Variants in EDNRB observed in about 807,000 individuals in gnomAD.
EDNRB encodes Hirschsprung disease 2.
In EDNRB, 18 loss-of-function variants were observed where a neutral mutation model predicts 46.4. The ratio of observed to expected loss-of-function variants is 0.39; its 90% CI spans 0.27 to 0.57. EDNRB has a LOEUF of 0.57. Among genes scored for constraint, EDNRB ranks in the 20% least tolerant of loss-of-function variants. EDNRB has a pLI of 0.61. For synonymous variants in EDNRB, 213 were observed against 204.9 expected, an observed-to-expected ratio of 1.04 and a Z score of -0.34; for missense variants, 434 against 537.5, an observed-to-expected ratio of 0.81 and a Z score of 1.90.
rs191851235 is a variant in EDNRB, at chr13:77,943,903, T to C, written c.-51-25279A>G. 2.0e-5 allele frequency among the ~76,000 whole-genome samples: 3 copies of C among 152,152 alleles called. No individual in the cohort carries two copies. The East Asian group carries it at 5.8e-4, about 29-fold the overall frequency. ...CCAGCACTTTGCTAACTTTCTATAA[T>C]ATAGTCCTTTTCTTTCATATTGAAA... On this transcript the variant is annotated intron_variant, in intron 1 of 7. Coordinates refer to the EDNRB transcript ENST00000646948.
At chr13:77,953,888 A>T (rs1881160902) in intron 1 of EDNRB, among the ~76,000 whole-genome samples, 1 of 152,184 alleles carries the variant, frequency 6.6e-6, no homozygotes, top group African/African-American at 2.4e-5. Context: ...CTGTCCTTTA[A>T]ATTTGGCATC....
In EDNRB at chr13:77,956,090, A is replaced by C. The variant is rs1881231754; in HGVS notation, c.-52+19257T>G. Among the ~76,000 whole-genome samples, 3 of 152,152 alleles carry C rather than the reference A, an allele frequency of 2.0e-5. 1 individual carries two copies. The South Asian group carries it at 6.2e-4, about 32-fold the overall frequency. On this transcript the variant is annotated intron_variant, in intron 1 of 7. Coordinates refer to the EDNRB transcript ENST00000646948. ...CCATTGGGATTTTGACAGAGATTGG[A>C]TCGAATCTGAAGATTGCTTTGCATA... is the stretch of plus-strand genomic sequence containing the variant.
At chr13:77,961,287 CACCAA>C (rs1325138113) in intron 1 of EDNRB, among the ~76,000 whole-genome samples, 1 of 152,100 alleles carries the variant, frequency 6.6e-6, no homozygotes. Flanking sequence ...ATTAGGTCTG[CACCAA>C]GCAGACCTAA....
chr13:77,900,803 G>T, intron 4 of EDNRB, 149 bp from the exon 5 acceptor site: 3 of 1,274,416 alleles, frequency 2.4e-6, no homozygotes, highest in Non-Finnish European at 3.3e-6. Flanking sequence ...AATAGTTAAT[G>T]TGAAGTGGAA....
intron 1 of EDNRB, among the ~76,000 whole-genome samples, chr13:77,905,261 T>A (rs1289554513): frequency 6.6e-6 from 1 of 151,880 alleles, no homozygotes; most frequent in Non-Finnish European, 1.5e-5. Flanking sequence ...TACTTTTTGC[T>A]AAGGGGCTCC....
chr13:77,972,161 A>G (rs981791035), intron 1 of EDNRB, among the ~76,000 whole-genome samples: 1 of 152,170 alleles, frequency 6.6e-6, no homozygotes, highest in Non-Finnish European at 1.5e-5. Context: ...GCTTGGCATG[A>G]CTTATTACTT....
intron 1 of EDNRB, among the ~76,000 whole-genome samples, chr13:77,925,589 C>T (rs1211090571): frequency 6.6e-6 from 1 of 152,210 alleles, no homozygotes; most frequent in Non-Finnish European, 1.5e-5. Context: ...AGAATTGAGG[C>T]TTGGGAAATC....
chr13:77,930,720 G>A (rs2329049), intron 1 of EDNRB, among the ~76,000 whole-genome samples: 136,815 of 152,238 alleles, frequency 0.9, 61,556 homozygotes, highest in East Asian at 0.98. Context: ...TATTTGTAAA[G>A]CTCAGCATTT....
chr13:77,903,269 C>T lies in EDNRB; in HGVS notation c.688G>A (p.Val230Met). Residue 230 changes from valine (V) to methionine (M), a missense_variant, in exon 3 of 7, where the codon GTG (valine) becomes ATG (methionine). Coordinates refer to ENST00000646607, the MANE Select transcript of EDNRB (RefSeq NM_001122659.3). ...VEIVLIWVVSVVLAVPEAIGF... is the reference protein window; with the variant it reads ...VEIVLIWVVSMVLAVPEAIGF... The stretch of plus-strand genomic sequence containing the variant: ...ATGGCTTCAGGGACAGCCAGAACCA[C>T]AGAGACCACCCAAATCAAAACAATT... The T allele has an allele frequency of 1.2e-6, 2 of 1,613,064 alleles. No individual in the cohort carries two copies. Among genetic ancestry groups the T allele is most frequent in the Non-Finnish European group, 1.7e-6 (2 of 1,179,394 alleles).
At chr13:77,956,935 G>T (rs1212582678) in intron 1 of EDNRB, among the ~76,000 whole-genome samples, 1 of 152,082 alleles carries the variant, frequency 6.6e-6, no homozygotes. Context: ...GCCTTCAAAA[G>T]GTCCTTATAA....
chr13:77,924,756 G>A (rs2181998), upstream of EDNRB, among the ~76,000 whole-genome samples: 33,164 of 152,040 alleles, frequency 0.22, 4,138 homozygotes, highest in East Asian at 0.55. Flanking sequence ...GACCCAGTGA[G>A]AGATGATTGA....
At chr13:77,936,136 G>A (rs948138432) in intron 1 of EDNRB, among the ~76,000 whole-genome samples, 58 of 152,074 alleles carry the variant, frequency 3.8e-4, no homozygotes, top group African/African-American at 8.7e-4. Flanking sequence ...ATGATCAGTC[G>A]CTAAGGAGGG....
chr13:77,925,960 A>C (rs1375143005), intron 1 of EDNRB, among the ~76,000 whole-genome samples: 1 of 152,256 alleles, frequency 6.6e-6, no homozygotes, highest in African/African-American at 2.4e-5. Flanking sequence ...AGCATGACCC[A>C]GATGCGAGAT....
At chr13:77,922,702 A>G (rs1880120590), upstream of EDNRB, among the ~76,000 whole-genome samples, 1 of 152,240 alleles carries the variant, frequency 6.6e-6, no homozygotes, top group Admixed American at 6.5e-5. Flanking sequence ...AAGTGACTGT[A>G]GCTATCTGGA....
chr13:77,930,733 T>C (rs1248141947), intron 1 of EDNRB, among the ~76,000 whole-genome samples: 1 of 152,166 alleles, frequency 6.6e-6, no homozygotes, highest in Non-Finnish European at 1.5e-5. Context: ...CAGCATTTAT[T>C]GATATATCTG....
intron 1 of EDNRB, among the ~76,000 whole-genome samples, chr13:77,909,817 A>G (rs1183944093): frequency 6.6e-6 from 1 of 151,948 alleles, no homozygotes; most frequent in Non-Finnish European, 1.5e-5. Flanking sequence ...TACTCTACAT[A>G]TATTCTTTAG....
intron 1 of EDNRB, among the ~76,000 whole-genome samples, chr13:77,941,019 G>C (rs1393060047): frequency 6.6e-6 from 1 of 152,188 alleles, no homozygotes; most frequent in African/African-American, 2.4e-5. Flanking sequence ...TTTTGGTCTA[G>C]TTTAATTTAT....
At chr13:77,904,280 C>T (rs1879160518) in intron 1 of EDNRB, among the ~76,000 whole-genome samples, 1 of 151,956 alleles carries the variant, frequency 6.6e-6, no homozygotes, top group Non-Finnish European at 1.5e-5. Flanking sequence ...CATGACTTAC[C>T]TTGATCACAC....
In EDNRB at chr13:77,955,577, C is replaced by T. The variant is rs925724784; in HGVS notation, c.-52+19770G>A. On this transcript the variant is annotated intron_variant, in intron 1 of 7. Transcript: ENST00000646948. ...TGTCCATCATCAAGAATATTTTTCC[C>T]TATGTTTTCTTCTAAGAGTTTTATG... Among the ~76,000 whole-genome samples, 4 of 152,014 alleles carry T rather than the reference C, an allele frequency of 2.6e-5. 1 individual carries two copies. Among genetic ancestry groups the T allele is most frequent in the African/African-American group, 9.7e-5 (4 of 41,412 alleles).
Sources: gnomAD v4.1 joint callset for allele counts (sites outside exome capture counted in the v4.1 genomes callset) on GRCh38, gnomAD v4.1.1 for gene constraint, MANE v1.5 for transcripts, NCBI Gene and HGNC (gene_info 2026-07-23, HGNC 2026-07-21) for gene names.